Variants in CUBN observed in about 807,000 individuals in gnomAD.
CUBN encodes 460 kDa receptor.
Under a neutral mutation model 405.3 loss-of-function variants are expected in CUBN, and 282 were observed. The ratio of observed to expected loss-of-function variants is 0.70; its 90% CI spans 0.63 to 0.77. CUBN has a LOEUF of 0.77. CUBN is among the 30% of genes least tolerant of loss of function. The pLI is 0.00. For missense variants in CUBN, 4,514 were observed against 4,475.2 expected (o/e 1.01, Z -0.25); for synonymous variants, 1,684 against 1,617.0 (o/e 1.04, Z -0.99).
chr10:16,901,374 A>C lies in CUBN; in HGVS notation c.8148T>G (p.Ser2716=). 1 of 1,614,168 alleles carries C rather than the reference A, an allele frequency of 6.2e-7. No homozygotes were observed. The highest frequency in any genetic ancestry group is 8.5e-7 in the Non-Finnish European group (1 of 1,179,994). ...PNAYDSLTHC[S]SLLEAPQGHT... ...GCCCTTGTGGGGCCTCCAACAGCGA[A>C]GAGCAGTGGGTCAGGCTGTCATAAG... Residue 2716 remains serine (S), a synonymous_variant, in exon 52 of 67, where the codon TCT becomes TCG. Transcript: ENST00000377833.
chr10:16,843,984 G>C (rs998589731), intron 60 of CUBN, among the ~76,000 whole-genome samples: 5 of 152,110 alleles, frequency 3.3e-5, no homozygotes, highest in Non-Finnish European at 7.4e-5. Context: ...AGACCTTCCA[G>C]ACCTGCGGGG....
At chr10:17,098,110 T>C (rs1352204534) in intron 14 of CUBN, among the ~76,000 whole-genome samples, 3 of 152,182 alleles carry the variant, frequency 2.0e-5, no homozygotes, top group Admixed American at 2.0e-4. Flanking sequence ...TAAGACAAAC[T>C]TTTTAGAGTA....
At chr10:17,022,653 C>T (rs1225647291) in intron 27 of CUBN, among the ~76,000 whole-genome samples, 3 of 152,162 alleles carry the variant, frequency 2.0e-5, no homozygotes, top group Non-Finnish European at 4.4e-5. Context: ...CTTCTAAATC[C>T]CTGCTTCCCT....
At chr10:17,084,723 T>C (rs750121196) in intron 16 of CUBN, among the ~76,000 whole-genome samples, 1 of 152,248 alleles carries the variant, frequency 6.6e-6, no homozygotes, top group Admixed American at 6.5e-5. Flanking sequence ...ATAAGTTGCT[T>C]TTTAAATACA....
intron 28 of CUBN, among the ~76,000 whole-genome samples, chr10:17,008,336 G>C (rs1321434957): frequency 2.3e-5 from 1 of 44,252 alleles, no homozygotes; most frequent in Admixed American, 2.6e-4. Context: ...GTCCCTCCCC[G>C]TGTGTGTGTG....
At position 17,085,584 on chromosome 10, in the gene CUBN, G is replaced by T. The variant is rs764914261; in HGVS notation, c.2110+13C>A. 1.9e-6 allele frequency: 3 copies of T among 1,613,080 alleles called. No individual in the cohort carries two copies. Among genetic ancestry groups the T allele is most frequent in the South Asian group, 2.2e-5 (2 of 91,068 alleles). On this transcript the variant is annotated intron_variant, in intron 16 of 66. Coordinates refer to ENST00000377833, the MANE Select transcript of CUBN (RefSeq NM_001081.4). The stretch of plus-strand genomic sequence containing the variant: ...CAAATCCCTCTTAAGCCCCCAACTG[G>T]TAGGTTACTTACAAGGTGATGTTAA...
At chr10:17,031,257 A>G (rs1346781919) in intron 27 of CUBN, among the ~76,000 whole-genome samples, 1 of 152,204 alleles carries the variant, frequency 6.6e-6, no homozygotes, top group African/African-American at 2.4e-5. Flanking sequence ...AAAGAATTGA[A>G]GGCTCTCTAT....
chr10:17,061,744 T>C (rs960656357), intron 22 of CUBN, among the ~76,000 whole-genome samples: 8 of 152,184 alleles, frequency 5.3e-5, no homozygotes, highest in Admixed American at 1.3e-4. Flanking sequence ...CCCTGGACAA[T>C]TGTGAAGGTT....
chr10:16,891,995 G>GT lies in CUBN; in HGVS notation c.8599-1469_8599-1468insA, dbSNP rs367622601. ...TGACTATTCAACATTTTCTTCACATGGAATGATACCAAATTACTCATTCCA... is the reference window on the plus strand; with the variant it reads ...TGACTATTCAACATTTTCTTCACATGTGAATGATACCAAATTACTCATTCCA... On this transcript the variant is annotated intron_variant, in intron 54 of 66. Coordinates refer to ENST00000377833, the MANE Select transcript of CUBN (RefSeq NM_001081.4). 3.1e-3 allele frequency among the ~76,000 whole-genome samples: 479 copies of GT among 152,164 alleles called. 1 individual carries two copies. The highest frequency in any genetic ancestry group is 0.011 in the African/African-American group (466 of 41,502).
chr10:17,069,674 G>A (rs1041685606), intron 19 of CUBN, among the ~76,000 whole-genome samples: 1 of 152,116 alleles, frequency 6.6e-6, no homozygotes, highest in Non-Finnish European at 1.5e-5. Flanking sequence ...CTTCTGAGTA[G>A]CTGAGGCTAC....
At chr10:16,975,826 T>C (rs1458175778) in intron 31 of CUBN, among the ~76,000 whole-genome samples, 1 of 151,798 alleles carries the variant, frequency 6.6e-6, no homozygotes, top group Non-Finnish European at 1.5e-5. Flanking sequence ...AGATGGGGTT[T>C]CACCATGTTG....
At chr10:16,911,248 G>A (rs889673629) in intron 48 of CUBN, among the ~76,000 whole-genome samples, 2 of 152,118 alleles carry the variant, frequency 1.3e-5, no homozygotes, top group African/African-American at 4.8e-5. Context: ...AGCAAATGTT[G>A]CCATACTACA....
At chr10:16,959,564 G>A (rs1457975746) in intron 31 of CUBN, among the ~76,000 whole-genome samples, 1 of 151,572 alleles carries the variant, frequency 6.6e-6, no homozygotes, top group African/African-American at 2.4e-5. Flanking sequence ...GGAGGCAGAG[G>A]TTGTGGTGAG....
Position 16,925,324 on chromosome 10 carries a change from T to G in CUBN, c.6563A>C (p.Asp2188Ala). The G allele has an allele frequency of 6.2e-7, 1 of 1,613,894 alleles. No homozygotes were observed. The change falls in exon 43 of 67, where the codon GAT becomes GCT. Residue 2188 changes from aspartate to alanine, a missense_variant. Physicochemically the swap from Asp to Ala is moderately radical, Grantham distance 126. Around this residue, in one of 5 missense-constraint regions of CUBN, gnomAD observed 1,613 missense variants for 1,542.8 expected, o/e 1.05. Coordinates refer to ENST00000377833, the MANE Select transcript of CUBN (RefSeq NM_001081.4). ...SHASSTLFTS[D>A]NQMFVQFISD... The stretch of plus-strand genomic sequence containing the variant: ...AATAAACTGAACAAACATTTGATTA[T>G]CCGAGGTGAACAGAGTTGATGAAGC...
intron 48 of CUBN, among the ~76,000 whole-genome samples, chr10:16,912,005 T>C (rs1841748489): frequency 6.6e-6 from 1 of 152,186 alleles, no homozygotes. Context: ...TTCTACTTCA[T>C]CTTTGTTTAT....
chr10:16,840,018 G>T (rs1345300077), intron 62 of CUBN, among the ~76,000 whole-genome samples: 1 of 144,542 alleles, frequency 6.9e-6, no homozygotes, highest in Non-Finnish European at 1.5e-5. Flanking sequence ...TTGAACAATC[G>T]GAACACATGG....
In CUBN at chr10:17,098,802, T is replaced by G. The variant is rs115707676; in HGVS notation, c.1765+1203A>C. ...AAGTGAAAAATTAAATTTTAGAAAATTAATATTTCACTAAGCATAATATAT... is the reference window on the plus strand; with the variant it reads ...AAGTGAAAAATTAAATTTTAGAAAAGTAATATTTCACTAAGCATAATATAT... On this transcript the variant is annotated intron_variant, in intron 14 of 66. Transcript: ENST00000377833. Among the ~76,000 whole-genome samples, 958 of 152,242 alleles carry G rather than the reference T, an allele frequency of 6.3e-3. 5 individuals carry two copies. The highest frequency in any genetic ancestry group is 0.021 in the African/African-American group (867 of 41,546).
intron 31 of CUBN, 66 bp downstream of exon 31, chr10:16,982,418 T>G (rs776210928): frequency 3.6e-6 from 5 of 1,388,878 alleles, no homozygotes; most frequent in Non-Finnish European, 5.1e-6. Flanking sequence ...TCACTAAATA[T>G]GCTTATATGG....
At chr10:16,929,882 G>A (rs1842315419) in intron 40 of CUBN, among the ~76,000 whole-genome samples, 1 of 152,208 alleles carries the variant, frequency 6.6e-6, no homozygotes, top group Admixed American at 6.5e-5. Flanking sequence ...TATTGATTTT[G>A]ATTTCTTTTC....
Sources: gnomAD v4.1 joint callset for allele counts (sites outside exome capture counted in the v4.1 genomes callset) on GRCh38, gnomAD v4.1.1 for gene constraint, gnomAD v4.1.1 regional missense constraint, MANE v1.5 for transcripts, NCBI Gene and HGNC (gene_info 2026-07-23, HGNC 2026-07-21) for gene names.